Variants in NRG3 observed in about 807,000 individuals in gnomAD.
NRG3 encodes neuregulin 3, also known as pro-neuregulin-3, membrane-bound isoform.
Under a neutral mutation model 66.9 loss-of-function variants are expected in NRG3, and 31 were observed. The ratio of observed to expected loss-of-function variants is 0.46; its 90% CI spans 0.35 to 0.63. The LOEUF is 0.63. Among genes scored for constraint, NRG3 ranks in the 20% least tolerant of loss-of-function variants. The pLI, the probability that NRG3 is intolerant of heterozygous loss-of-function variation, is 0.00. For missense variants in NRG3, 910 were observed against 878.9 expected (o/e 1.04, Z -0.45); for synonymous variants, 393 against 359.4 (o/e 1.09, Z -1.06).
chr10:82,918,329 A>G (rs1456745528), intron 4 of NRG3, among the ~76,000 whole-genome samples: 1 of 152,132 alleles, frequency 6.6e-6, no homozygotes, highest in Non-Finnish European at 1.5e-5. Flanking sequence ...CCCATTCAAT[A>G]CCATCCTCAC....
intron 1 of NRG3, among the ~76,000 whole-genome samples, chr10:81,941,692 T>C (rs907831847): frequency 6.6e-6 from 1 of 152,158 alleles, no homozygotes; most frequent in African/African-American, 2.4e-5. Context: ...CCTAGCAGTA[T>C]GTCCAGTTTA....
At chr10:82,131,996 C>A (rs1360309223) in intron 1 of NRG3, among the ~76,000 whole-genome samples, 1 of 151,992 alleles carries the variant, frequency 6.6e-6, no homozygotes, top group Non-Finnish European at 1.5e-5. Context: ...ATAATTTGAT[C>A]TCTTCCTTTC....
At chr10:82,172,893 A>G (rs1271738058) in intron 1 of NRG3, among the ~76,000 whole-genome samples, 2 of 152,096 alleles carry the variant, frequency 1.3e-5, no homozygotes, top group Admixed American at 6.6e-5. Flanking sequence ...TATTTTACTA[A>G]TAGTTGAGTA....
intron 1 of NRG3, among the ~76,000 whole-genome samples, chr10:82,037,887 A>G (rs1018227010): frequency 6.6e-6 from 1 of 151,964 alleles, no homozygotes; most frequent in African/African-American, 2.4e-5. Context: ...AAGTAAGTCA[A>G]CTTCGTAAGG....
chr10:82,757,106 T>A (rs1179746477), intron 3 of NRG3, among the ~76,000 whole-genome samples: 1 of 152,080 alleles, frequency 6.6e-6, no homozygotes, highest in Non-Finnish European at 1.5e-5. Flanking sequence ...AAGTTTGTGA[T>A]GCACAGGATT....
At chr10:81,985,370 T>C (rs2060481181) in intron 1 of NRG3, among the ~76,000 whole-genome samples, 1 of 152,220 alleles carries the variant, frequency 6.6e-6, no homozygotes, top group African/African-American at 2.4e-5. Context: ...ACGGCCAAAG[T>C]GGCCCAAGCT....
In NRG3 at chr10:82,482,391, C is replaced by T. The variant is rs80287630; in HGVS notation, c.953+123523C>T. Among the ~76,000 whole-genome samples the T allele has an allele frequency of 0.024, 3,616 of 152,208 alleles. 235 individuals carry two copies. The East Asian group carries it at 0.26, about 11-fold the overall frequency. On this transcript the variant is annotated intron_variant, in intron 2 of 8. Transcript: ENST00000372141. ...ACTGCAAAGACCTGTGTTCTGGGAA[C>T]GCAAAGAATATTCTGACCCCCTTTT...
intron 2 of NRG3, among the ~76,000 whole-genome samples, chr10:82,526,477 A>G (rs560060380): frequency 2.8e-4 from 42 of 152,008 alleles, no homozygotes; most frequent in Admixed American, 5.9e-4. Flanking sequence ...TATTCTGTTT[A>G]TAAGATATAT....
intron 1 of NRG3, among the ~76,000 whole-genome samples, chr10:81,927,753 C>T (rs1291550792): frequency 6.6e-6 from 1 of 152,088 alleles, no homozygotes; most frequent in African/African-American, 2.4e-5. Context: ...GACTGATGGA[C>T]CCCCTCTTGG....
At chr10:81,969,801 G>A (rs1157281050) in intron 1 of NRG3, among the ~76,000 whole-genome samples, 1 of 149,922 alleles carries the variant, frequency 6.7e-6, no homozygotes, top group African/African-American at 2.5e-5. Context: ...GTGTGTGTGT[G>A]CACATGCACT....
chr10:82,259,209 C>T (rs1487451887), intron 1 of NRG3, among the ~76,000 whole-genome samples: 5 of 152,266 alleles, frequency 3.3e-5, no homozygotes, highest in African/African-American at 1.2e-4. Context: ...AAGTTGTTAT[C>T]TTTTTCACTT....
chr10:82,647,160 C>G (rs7086936), intron 2 of NRG3, among the ~76,000 whole-genome samples: 3 of 151,970 alleles, frequency 2.0e-5, no homozygotes, highest in Admixed American at 2.0e-4. Flanking sequence ...CCCACTCCCC[C>G]GACCCCACAA....
chr10:82,880,805 G>A (rs1842236547), intron 4 of NRG3, among the ~76,000 whole-genome samples: 1 of 152,164 alleles, frequency 6.6e-6, no homozygotes, highest in Non-Finnish European at 1.5e-5. Context: ...TATTGCATGA[G>A]GTGTATCTAT....
chr10:82,221,422 A>C (rs1230413771), intron 1 of NRG3, among the ~76,000 whole-genome samples: 1 of 152,134 alleles, frequency 6.6e-6, no homozygotes, highest in Non-Finnish European at 1.5e-5. Flanking sequence ...CCCCTCCATA[A>C]TGCAGCTTTT....
intron 1 of NRG3, among the ~76,000 whole-genome samples, chr10:82,300,519 A>G (rs1028172957): frequency 6.6e-6 from 1 of 152,196 alleles, no homozygotes; most frequent in African/African-American, 2.4e-5. Flanking sequence ...TCTTTGTACT[A>G]TCGGGAAAGA....
intron 2 of NRG3, among the ~76,000 whole-genome samples, chr10:82,628,733 CAT>C (rs1424843325): frequency 2.0e-5 from 3 of 152,284 alleles, no homozygotes; most frequent in Non-Finnish European, 4.4e-5. Flanking sequence ...GAAGCTCTGT[CAT>C]TTCAGGAACA....
chr10:81,899,906 G>A (rs1250217465), intron 1 of NRG3, among the ~76,000 whole-genome samples: 1 of 152,124 alleles, frequency 6.6e-6, no homozygotes, highest in Non-Finnish European at 1.5e-5. Context: ...AGAAAGGTTG[G>A]TGGGAGGAGA....
At chr10:81,960,736 C>T (rs1018089912) in intron 1 of NRG3, among the ~76,000 whole-genome samples, 7 of 151,462 alleles carry the variant, frequency 4.6e-5, no homozygotes, top group African/African-American at 1.2e-4. Context: ...TGGATCGCCT[C>T]CCTGTTTGAA....
At chr10:82,957,440 A>G (rs1487849815) in intron 5 of NRG3, among the ~76,000 whole-genome samples, 1 of 151,936 alleles carries the variant, frequency 6.6e-6, no homozygotes, top group Non-Finnish European at 1.5e-5. Context: ...GAAGACAGGC[A>G]AAATTCAAGG....
Sources: allele counts gnomAD v4.1 joint callset (sites outside exome capture counted in the v4.1 genomes callset), GRCh38; gene constraint gnomAD v4.1.1; transcripts MANE v1.5; gene names NCBI Gene and HGNC (gene_info 2026-07-23, HGNC 2026-07-21).